EYS: variants seen among roughly 807,000 people sequenced by gnomAD.
EYS encodes the protein EGF-like photoreceptor maintenance factor.
EYS carries 250 observed loss-of-function variants against 282.1 expected under a neutral mutation model. The ratio of observed to expected loss-of-function variants is 0.89; its 90% CI spans 0.80 to 0.98. The LOEUF (loss-of-function observed/expected upper bound fraction) is 0.98. Among genes scored for constraint, EYS ranks in the 50% least tolerant of loss-of-function variants. The pLI, the probability that EYS is intolerant of heterozygous loss-of-function variation, is 0.00. For synonymous variants in EYS, 1,355 were observed against 1,282.9 expected (o/e 1.06, Z -1.20); for missense variants, 4,016 against 3,709.0 (o/e 1.08, Z -2.15).
intron 12 of EYS, among the ~76,000 whole-genome samples, chr6:65,165,791 G>C (rs1764958521): frequency 6.6e-6 from 1 of 151,032 alleles, no homozygotes; most frequent in African/African-American, 2.4e-5. Flanking sequence ...CTATCTCTAT[G>C]GCATATGACA....
chr6:65,538,431 T>C (rs1384109952), intron 2 of EYS, among the ~76,000 whole-genome samples: 2 of 152,250 alleles, frequency 1.3e-5, no homozygotes, highest in African/African-American at 2.4e-5. Context: ...ATACTTATAT[T>C]TAGCATTCCC....
chr6:65,242,777 A>C (rs995164907), intron 12 of EYS, among the ~76,000 whole-genome samples: 5 of 152,106 alleles, frequency 3.3e-5, no homozygotes, highest in African/African-American at 1.2e-4. Context: ...CTTAATGGAA[A>C]ATTATTGTCT....
At chr6:64,658,220 C>T (rs1768833262) in intron 22 of EYS, among the ~76,000 whole-genome samples, 1 of 152,148 alleles carries the variant, frequency 6.6e-6, no homozygotes, top group Admixed American at 6.6e-5. Flanking sequence ...CCTTTAAGGA[C>T]TTCTCTGCAT....
chr6:64,525,978 A>G lies in EYS; in HGVS notation c.5644+64245T>C, dbSNP rs549253923. On this transcript the variant is annotated intron_variant, in intron 26 of 42. Transcript: ENST00000503581. ...AAATACTGGAAAAAAAACCTCTAAT[A>G]TCATCTGTAGACTATTACTCAACAA... 2.0e-5 allele frequency among the ~76,000 whole-genome samples: 3 copies of G among 151,972 alleles called. No individual in the cohort carries two copies. The South Asian group carries it at 6.2e-4, about 32-fold the overall frequency.
intron 26 of EYS, among the ~76,000 whole-genome samples, chr6:64,498,326 T>G (rs1416018155): frequency 2.6e-5 from 4 of 152,134 alleles, no homozygotes; most frequent in African/African-American, 9.7e-5. Flanking sequence ...AGCTAATAGG[T>G]CCTGAAAACA....
chr6:64,395,924 T>C (rs1008250948), intron 28 of EYS, among the ~76,000 whole-genome samples: 3 of 152,136 alleles, frequency 2.0e-5, no homozygotes, highest in Non-Finnish European at 2.9e-5. Flanking sequence ...TATTGAATTA[T>C]GGCATACATA....
chr6:65,662,959 T>C (rs1307212545), intron 1 of EYS, among the ~76,000 whole-genome samples: 1 of 152,106 alleles, frequency 6.6e-6, no homozygotes, highest in African/African-American at 2.4e-5. Context: ...TACTCTGAAA[T>C]GTAATGATGA....
chr6:65,700,204 A>C (rs1769623775), intron 1 of EYS, among the ~76,000 whole-genome samples: 1 of 151,426 alleles, frequency 6.6e-6, no homozygotes, highest in Non-Finnish European at 1.5e-5. Context: ...ACTTTTGGAG[A>C]GATCATAGCT....
chr6:65,606,084 C>T (rs994588040), intron 2 of EYS, among the ~76,000 whole-genome samples: 2 of 151,382 alleles, frequency 1.3e-5, no homozygotes, highest in East Asian at 1.9e-4. Flanking sequence ...TACCAATAGT[C>T]GCAAATTTTT....
At chr6:64,604,399 A>C (rs1478153260) in intron 24 of EYS, among the ~76,000 whole-genome samples, 1 of 152,016 alleles carries the variant, frequency 6.6e-6, no homozygotes, top group Non-Finnish European at 1.5e-5. Context: ...AAAATCAAAG[A>C]CCATGAATAA....
chr6:64,689,854 G>A (rs1770306361), intron 22 of EYS, among the ~76,000 whole-genome samples: 1 of 152,062 alleles, frequency 6.6e-6, no homozygotes, highest in African/African-American at 2.4e-5. Flanking sequence ...CTAAATGTTA[G>A]ACCTAAAACC....
chr6:63,938,611 A>G (rs1765141683), intron 35 of EYS, among the ~76,000 whole-genome samples: 1 of 152,236 alleles, frequency 6.6e-6, no homozygotes, highest in African/African-American at 2.4e-5. Context: ...TGATCTGTAA[A>G]TGATTCTATA....
intron 29 of EYS, among the ~76,000 whole-genome samples, chr6:64,339,375 A>G (rs1392611647): frequency 6.6e-6 from 1 of 152,044 alleles, no homozygotes; most frequent in Non-Finnish European, 1.5e-5. Flanking sequence ...AACATGAAAA[A>G]ATGCTCAACA....
chr6:64,700,765 G>A (rs1409115092), intron 22 of EYS, among the ~76,000 whole-genome samples: 1 of 151,932 alleles, frequency 6.6e-6, no homozygotes, highest in Non-Finnish European at 1.5e-5. Context: ...ATCATGGATT[G>A]CAAAAGTTAA....
intron 2 of EYS, among the ~76,000 whole-genome samples, chr6:65,570,242 A>G (rs986053542): frequency 1.2e-4 from 18 of 152,300 alleles, no homozygotes; most frequent in African/African-American, 4.1e-4. Context: ...TTCCCTACCA[A>G]CTAAATGAAG....
chr6:63,773,191 C>G (rs1350921052), intron 40 of EYS, among the ~76,000 whole-genome samples: 1 of 152,170 alleles, frequency 6.6e-6, no homozygotes, highest in African/African-American at 2.4e-5. Context: ...GTCTGATTCT[C>G]TACAGCCTCA....
intron 24 of EYS, among the ~76,000 whole-genome samples, chr6:64,605,077 C>T (rs1766880813): frequency 6.6e-6 from 1 of 151,998 alleles, no homozygotes. Context: ...TTTAATCTAG[C>T]ACACAATATC....
At position 64,310,071 on chromosome 6, in the gene EYS, A is replaced by C. The variant is rs918784007; in HGVS notation, c.6079-2989T>G. On this transcript the variant is annotated intron_variant, in intron 29 of 42. Coordinates refer to ENST00000503581, the MANE Select transcript of EYS (RefSeq NM_001142800.2). The stretch of plus-strand genomic sequence containing the variant: ...CTATTTATTAAAAGTAAAAAAAATA[A>C]AAAAAAAAATAACAGATGCTGGCAA... 8.1e-5 allele frequency among the ~76,000 whole-genome samples: 10 copies of C among 124,100 alleles called. 1 individual carries two copies. Among genetic ancestry groups the C allele is most frequent in the Non-Finnish European group, 1.5e-4 (9 of 58,658 alleles). The allele number at this position is 124,100 out of a possible 152,430, so 81.4% of individuals were successfully genotyped here. A position where few individuals can be genotyped will look rare whatever the true frequency, so the allele number is the denominator to read the frequency against.
chr6:64,681,486 T>C (rs187517555), intron 22 of EYS, among the ~76,000 whole-genome samples: 2 of 152,262 alleles, frequency 1.3e-5, no homozygotes, highest in Admixed American at 1.3e-4. Context: ...CTCAAAATGC[T>C]ACAATTTAGG....
Sources: gnomAD v4.1 joint callset for allele counts (sites outside exome capture counted in the v4.1 genomes callset) on GRCh38, gnomAD v4.1.1 for gene constraint, MANE v1.5 for transcripts, NCBI Gene and HGNC (gene_info 2026-07-23, HGNC 2026-07-21) for gene names.